The following TLE2 variants were observed in gnomAD, a reference collection of about 807,000 sequenced individuals.
TLE2 encodes the protein transducin-like enhancer protein 2.
Under a neutral mutation model 97.2 loss-of-function variants are expected in TLE2, and 74 were observed. The ratio of observed to expected loss-of-function variants is 0.76; its 90% CI spans 0.63 to 0.92. The LOEUF (loss-of-function observed/expected upper bound fraction) is 0.92. Among genes scored for constraint, TLE2 ranks in the 40% least tolerant of loss-of-function variants. The probability of loss-of-function intolerance (pLI) is 0.00; values close to 1 mark genes in which losing one functional copy is unlikely to be tolerated. For synonymous variants in TLE2, 499 were observed against 432.1 expected (o/e 1.15, Z -1.92); for missense variants, 1,038 against 1,008.7 (o/e 1.03, Z -0.39).
chr19:3,022,222 TA>T (rs968186161), intron 5 of TLE2, among the ~76,000 whole-genome samples: 6 of 151,582 alleles, frequency 4.0e-5, no homozygotes, highest in East Asian at 1.9e-4. Flanking sequence ...CTAATTTTTG[TA>T]AAAAAAAATT....
rs554849770 is a variant in TLE2, at chr19:2,997,754, T to C, written c.*94A>G. 5 of 892,768 alleles carry C rather than the reference T, an allele frequency of 5.6e-6. No individual in the cohort carries two copies. In the East Asian group the frequency reaches 1.3e-4, roughly 24 times the overall value. The allele number at this position is 892,768 out of a possible 1,614,324, so 55.3% of individuals were successfully genotyped here. On this transcript the variant is annotated 3_prime_UTR_variant, in exon 20 of 20. Transcript: ENST00000262953. ...GAGAGCAGATGGGATGTACGGTTCC[T>C]AGGCAGGGCTGGGAGGCGGCTGCTA...
intron 5 of TLE2, among the ~76,000 whole-genome samples, chr19:3,020,808 G>A (rs1334957386): frequency 1.3e-5 from 2 of 152,086 alleles, no homozygotes; most frequent in African/African-American, 4.8e-5. Context: ...TATCTGAGCC[G>A]GGCGCGGCGG....
Position 3,011,155 on chromosome 19 carries a change from G to A in TLE2, c.879C>T (p.Asp293=), listed in dbSNP as rs1332161682. ...LPRAKELILN[D]LPASTPASKS... ...TGGAGGCAGGAGTGCTGGCGGGAAG[G>A]TCATTCTGCAGAGAAAGGGCAGGAC... Residue 293 remains aspartate, a synonymous_variant, in exon 12 of 20, where the codon GAC becomes GAT. Transcript: ENST00000262953. The A allele has an allele frequency of 6.3e-7, 1 of 1,596,350 alleles. No individual in the cohort carries two copies. Among genetic ancestry groups the A allele is most frequent in the South Asian group, 1.1e-5 (1 of 88,432 alleles).
At chr19:3,046,949 CCT>C (rs2090147032), upstream of TLE2, among the ~76,000 whole-genome samples, 2 of 125,338 alleles carry the variant, frequency 1.6e-5, no homozygotes, top group African/African-American at 6.0e-5. Flanking sequence ...CCTCCTCCTC[CCT>C]TCCCTCCCTC....
chr19:2,999,168 G>C (rs1290634964), intron 19 of TLE2, among the ~76,000 whole-genome samples: 2 of 152,064 alleles, frequency 1.3e-5, no homozygotes, highest in African/African-American at 2.4e-5. Flanking sequence ...TGTAATGCCA[G>C]TTACTTGGGA....
intron 14 of TLE2, among the ~76,000 whole-genome samples, chr19:3,008,576 G>A (rs1051092188): frequency 6.6e-5 from 10 of 151,526 alleles, no homozygotes; most frequent in Non-Finnish European, 1.2e-4. Context: ...TCAGCCTCCC[G>A]AGTAGCTGGG....
rs1372358713 is a variant in TLE2, at chr19:2,997,673, G to T, written c.*175C>A. 1.7e-6 allele frequency: 1 copy of T among 585,632 alleles called. No homozygotes were observed. Among genetic ancestry groups the T allele is most frequent in the African/African-American group, 1.9e-5 (1 of 53,712 alleles). The allele number at this position is 585,632 out of a possible 1,614,324, so 36.3% of individuals were successfully genotyped here. On this transcript the variant is annotated 3_prime_UTR_variant, in exon 20 of 20. Coordinates refer to ENST00000262953, the MANE Select transcript of TLE2 (RefSeq NM_003260.5). ...ATAGATACATTTTATTTCCACCGAG[G>T]TCCCCTGCCCATCGGCCCCCACATG...
At chr19:3,045,038 C>T (rs1209663029) in intron 1 of TLE2, among the ~76,000 whole-genome samples, 4 of 151,292 alleles carry the variant, frequency 2.6e-5, no homozygotes, top group Non-Finnish European at 4.4e-5. Flanking sequence ...GCCAACATGG[C>T]AAGACCTTGT....
chr19:3,029,383 G>A (rs187606085), upstream of TLE2, among the ~76,000 whole-genome samples: 33,498 of 139,252 alleles, frequency 0.24, 4,089 homozygotes, highest in East Asian at 0.33. Flanking sequence ...CCGCGCCCGC[G>A]CCCCCCCCGG....
chr19:3,035,607 T>A (rs1251796916), intron 1 of TLE2, among the ~76,000 whole-genome samples: 1 of 152,036 alleles, frequency 6.6e-6, no homozygotes, highest in Non-Finnish European at 1.5e-5. Flanking sequence ...TAAATCAGCC[T>A]GGCCGCCCCA....
At chr19:3,011,237 G>A in intron 11 of TLE2, 77 bp from the exon 12 acceptor site, 5 of 1,455,842 alleles carry the variant, frequency 3.4e-6, no homozygotes, top group Non-Finnish European at 4.6e-6. Context: ...AGAAACTGGG[G>A]TTGGGGGCGG....
At chr19:3,040,190 A>C in intron 1 of TLE2, among the ~76,000 whole-genome samples, 1 of 151,132 alleles carries the variant, frequency 6.6e-6, no homozygotes. Context: ...ATCGCCATGG[A>C]CTCCCGTCTC....
chr19:3,032,246 TTTTG>T (rs1462868581), upstream of TLE2, among the ~76,000 whole-genome samples: 9 of 136,406 alleles, frequency 6.6e-5, no homozygotes, highest in Non-Finnish European at 1.6e-5. This position sits in a 1 kb window ranked among gnomAD's most constrained non-coding sequence, Gnocchi z 4.1. Flanking sequence ...GTTTTTTTGT[TTTTG>T]TTTGTTTTGA....
chr19:3,015,886 G>T, intron 8 of TLE2, 126 bp from the exon 9 acceptor site: 2 of 739,368 alleles, frequency 2.7e-6, no homozygotes, highest in Non-Finnish European at 2.4e-6. Context: ...CTTCCCATCT[G>T]GGAAATGGGA....
rs1005604374 is a variant in TLE2, at chr19:3,019,626, A to G, written c.369+73T>C. 7.0e-5 allele frequency: 109 copies of G among 1,555,954 alleles called. No homozygotes were observed. In the African/African-American group the frequency reaches 1.4e-3, roughly 20 times the overall value. On this transcript the variant is annotated intron_variant, in intron 6 of 19. Coordinates refer to ENST00000262953, the MANE Select transcript of TLE2 (RefSeq NM_003260.5). This position sits in a 1 kb window ranked among gnomAD's most constrained non-coding sequence, Gnocchi z 5.1. ...GCCCACACACCACCCCAGCTTTAAC[A>G]CCTCCTGGGTGGGTGCCAGGGACCT... is the stretch of plus-strand genomic sequence containing the variant.
At chr19:3,036,995 G>C (rs778097063) in intron 1 of TLE2, among the ~76,000 whole-genome samples, 4 of 152,184 alleles carry the variant, frequency 2.6e-5, no homozygotes, top group Non-Finnish European at 5.9e-5. Context: ...GTATTTAATA[G>C]ATGTTGGGGC....
At chr19:3,044,474 C>T (rs951931044) in intron 1 of TLE2, among the ~76,000 whole-genome samples, 2 of 152,226 alleles carry the variant, frequency 1.3e-5, no homozygotes, top group Admixed American at 6.5e-5. Flanking sequence ...GGCTGGAGTG[C>T]AGTGGCACGA....
Position 2,997,686 on chromosome 19 carries a change from C to G in TLE2, c.*162G>C, listed in dbSNP as rs970489806. On this transcript the variant is annotated 3_prime_UTR_variant, in exon 20 of 20. Coordinates refer to ENST00000262953, the MANE Select transcript of TLE2 (RefSeq NM_003260.5). Reference sequence around the variant, plus strand: ...ATTTCCACCGAGGTCCCCTGCCCATCGGCCCCCACATGCAGCAGGGGAAGG... The same window carrying G: ...ATTTCCACCGAGGTCCCCTGCCCATGGGCCCCCACATGCAGCAGGGGAAGG... 1.7e-6 allele frequency: 1 copy of G among 593,692 alleles called. No individual in the cohort carries two copies. Among genetic ancestry groups the G allele is most frequent in the African/African-American group, 1.9e-5 (1 of 53,924 alleles). The allele number at this position is 593,692 out of a possible 1,614,324, so 36.8% of individuals were successfully genotyped here.
exon 1 of TLE2, chr19:3,045,738 A>G (rs1372342908): frequency 8.9e-6 from 4 of 448,314 alleles, no homozygotes; most frequent in Admixed American, 4.7e-5. Flanking sequence ...GTAATCCTGA[A>G]GCAGGAGAAT....
Sources: gnomAD v4.1 joint callset for allele counts (sites outside exome capture counted in the v4.1 genomes callset) on GRCh38, gnomAD v4.1.1 for gene constraint, Gnocchi (gnomAD v3.1) non-coding constraint, MANE v1.5 for transcripts, NCBI Gene and HGNC (gene_info 2026-07-23, HGNC 2026-07-21) for gene names.